OXR1: variants seen among roughly 807,000 people sequenced by gnomAD.
The protein encoded by OXR1 is oxidation resistance 1.
In OXR1, 41 loss-of-function variants were observed where a neutral mutation model predicts 104.6. The ratio of observed to expected loss-of-function variants is 0.39; its 90% CI spans 0.31 to 0.51. The LOEUF (loss-of-function observed/expected upper bound fraction) is 0.51, where lower values mean the gene tolerates loss of function less well. Ranked by LOEUF, OXR1 falls within the 20% of genes least tolerant of loss-of-function variation. The pLI is 0.77. For synonymous variants in OXR1, 348 were observed against 348.4 expected, an observed-to-expected ratio of 1.00 and a Z score of 0.01; for missense variants, 955 against 1,031.9, an observed-to-expected ratio of 0.93 and a Z score of 1.02.
chr8:106,481,545 G>T (rs1822117087), intron 2 of OXR1, among the ~76,000 whole-genome samples: 1 of 151,996 alleles, frequency 6.6e-6, no homozygotes, highest in Non-Finnish European at 1.5e-5. Flanking sequence ...TGAAATTGAG[G>T]AAAAGATGAA....
At chr8:106,711,903 T>C (rs746821878) in intron 10 of OXR1, among the ~76,000 whole-genome samples, 2 of 152,126 alleles carry the variant, frequency 1.3e-5, no homozygotes, top group Non-Finnish European at 2.9e-5. Context: ...AAGATAATGC[T>C]ACACTAACAT....
intron 1 of OXR1, among the ~76,000 whole-genome samples, chr8:106,312,328 CA>C (rs991553860): frequency 1.3e-5 from 2 of 152,138 alleles, no homozygotes; most frequent in African/African-American, 4.8e-5. Context: ...CATTTGTAGT[CA>C]AAAATAGAGA....
chr8:106,673,473 T>G (rs1165391884), intron 3 of OXR1, among the ~76,000 whole-genome samples: 1 of 152,114 alleles, frequency 6.6e-6, no homozygotes, highest in African/African-American at 2.4e-5. Flanking sequence ...TATGTTTAAA[T>G]GGGAAGCAGA....
chr8:106,622,589 G>T (rs1014868967), intron 3 of OXR1, among the ~76,000 whole-genome samples: 14 of 151,826 alleles, frequency 9.2e-5, no homozygotes, highest in African/African-American at 3.4e-4. Flanking sequence ...CAAGGCCTTT[G>T]CAATTTGTGT....
At chr8:106,717,194 T>A (rs1832352222) in intron 11 of OXR1, among the ~76,000 whole-genome samples, 3 of 151,896 alleles carry the variant, frequency 2.0e-5, no homozygotes, top group Admixed American at 1.3e-4. Flanking sequence ...TCAAAAAAAA[T>A]AAATAAATAA....
In OXR1 at chr8:106,359,585, G is replaced by A. The variant is rs1005894200; in HGVS notation, c.-29G>A. 2.6e-6 allele frequency: 4 copies of A among 1,542,430 alleles called. No homozygotes were observed. Among genetic ancestry groups the A allele is most frequent in the African/African-American group, 1.4e-5 (1 of 72,812 alleles). ...CCTGCTAATTTCCTGTTCTGGAATCGAGAGAAGACTCCTCAACAAGTTGCT... is the reference window on the plus strand; with the variant it reads ...CCTGCTAATTTCCTGTTCTGGAATCAAGAGAAGACTCCTCAACAAGTTGCT... On this transcript the variant is annotated 5_prime_UTR_variant, in exon 2 of 17. Transcript: ENST00000517566.
intron 2 of OXR1, among the ~76,000 whole-genome samples, chr8:106,492,224 C>A (rs1353198361): frequency 2.0e-5 from 3 of 152,204 alleles, no homozygotes; most frequent in Non-Finnish European, 4.4e-5. Context: ...CTCTTACTTT[C>A]TGACTGCTAT....
intron 2 of OXR1, among the ~76,000 whole-genome samples, chr8:106,446,561 C>G (rs1419700791): frequency 6.6e-6 from 1 of 150,734 alleles, no homozygotes; most frequent in East Asian, 2.0e-4. Context: ...GAGGTTGCAG[C>G]AAGCTGAGAT....
At chr8:106,394,967 C>CA (rs1817717717) in intron 2 of OXR1, among the ~76,000 whole-genome samples, 1 of 87,234 alleles carries the variant, frequency 1.1e-5, no homozygotes, top group Non-Finnish European at 2.6e-5. Context: ...AGAAATCTAA[C>CA]GTTTACAAAT....
At chr8:106,445,046 C>T (rs1415341584) in intron 2 of OXR1, among the ~76,000 whole-genome samples, 1 of 151,998 alleles carries the variant, frequency 6.6e-6, no homozygotes, top group Non-Finnish European at 1.5e-5. Flanking sequence ...TTTCTAAATC[C>T]TTTGTCTAAT....
Position 106,541,446 on chromosome 8 carries a change from A to G in OXR1, c.220+22307A>G, listed in dbSNP as rs74990791. 1.9e-3 allele frequency among the ~76,000 whole-genome samples: 297 copies of G among 152,318 alleles called. 3 individuals carry two copies. In the East Asian group the frequency reaches 0.024, roughly 12 times the overall value. ...TATATGTTCTTCTTAGAAGCACTGTATTGTTTACATTAACCTCTACCAAGA... is the reference window on the plus strand; with the variant it reads ...TATATGTTCTTCTTAGAAGCACTGTGTTGTTTACATTAACCTCTACCAAGA... On this transcript the variant is annotated intron_variant, in intron 3 of 16. Transcript: ENST00000517566.
At chr8:106,612,542 C>T (rs975236879) in intron 3 of OXR1, among the ~76,000 whole-genome samples, 6 of 151,724 alleles carry the variant, frequency 4.0e-5, no homozygotes, top group African/African-American at 1.5e-4. Flanking sequence ...TTCTTTAATT[C>T]ATTTCCTTTC....
chr8:106,501,483 A>C (rs997746541), intron 2 of OXR1, among the ~76,000 whole-genome samples: 1 of 152,190 alleles, frequency 6.6e-6, no homozygotes, highest in Non-Finnish European at 1.5e-5. Context: ...GATCTGAATT[A>C]TGTTTTTTAA....
chr8:106,557,845 G>T (rs1816398405), intron 3 of OXR1, among the ~76,000 whole-genome samples: 1 of 152,084 alleles, frequency 6.6e-6, no homozygotes, highest in South Asian at 2.1e-4. Flanking sequence ...GACTTGCCTT[G>T]TTCCTTTTGT....
chr8:106,536,601 G>A (rs923301192), intron 3 of OXR1, among the ~76,000 whole-genome samples: 8 of 152,134 alleles, frequency 5.3e-5, no homozygotes, highest in South Asian at 4.2e-4. Context: ...TAGCAATCTC[G>A]CCAGCCATTT....
At chr8:106,497,402 T>G (rs1453300897) in intron 2 of OXR1, among the ~76,000 whole-genome samples, 3 of 152,254 alleles carry the variant, frequency 2.0e-5, no homozygotes, top group Admixed American at 1.3e-4. Flanking sequence ...TATTAGAAAA[T>G]TTTACAGGCA....
intron 7 of OXR1, among the ~76,000 whole-genome samples, chr8:106,699,065 A>G (rs1587142906): frequency 6.6e-6 from 1 of 152,150 alleles, no homozygotes. Context: ...TGGCTTGTTC[A>G]TAAGTTTTGT....
chr8:106,549,519 A>C (rs1815637683), intron 3 of OXR1, among the ~76,000 whole-genome samples: 1 of 152,160 alleles, frequency 6.6e-6, no homozygotes, highest in African/African-American at 2.4e-5. Flanking sequence ...TAATTTCCTC[A>C]TATCTATTTT....
At chr8:106,577,060 A>G (rs1440486835) in intron 3 of OXR1, among the ~76,000 whole-genome samples, 2 of 152,158 alleles carry the variant, frequency 1.3e-5, no homozygotes, top group African/African-American at 4.8e-5. Context: ...ATGAGCTTTA[A>G]TAATAGTCAT....
Sources: gnomAD v4.1 joint callset for allele counts (sites outside exome capture counted in the v4.1 genomes callset) on GRCh38, gnomAD v4.1.1 for gene constraint, MANE v1.5 for transcripts, NCBI Gene and HGNC (gene_info 2026-07-23, HGNC 2026-07-21) for gene names.